The following ETFA variants were observed in gnomAD, a reference collection of about 807,000 sequenced individuals.
The protein encoded by ETFA is electron transfer flavoprotein subunit alpha, also known as electron transfer flavoprotein subunit alpha, mitochondrial.
ETFA carries 22 observed loss-of-function variants against 46.2 expected under a neutral mutation model. That is an observed-to-expected ratio of 0.48 (90% CI 0.34 to 0.68). The LOEUF is 0.68. Among genes scored for constraint, ETFA ranks in the 30% least tolerant of loss-of-function variants. ETFA has a pLI of 0.01. For missense variants in ETFA, 345 were observed against 401.1 expected (o/e 0.86, Z 1.19); for synonymous variants, 131 against 139.9 (o/e 0.94, Z 0.45).
At chr15:76,247,314 A>G (rs1228654023) in intron 9 of ETFA, among the ~76,000 whole-genome samples, 5 of 152,202 alleles carry the variant, frequency 3.3e-5, no homozygotes, top group African/African-American at 9.6e-5. Flanking sequence ...TGACAGGACC[A>G]TATCTTATGC....
At chr15:76,246,291 C>T (rs2039242421) in intron 9 of ETFA, among the ~76,000 whole-genome samples, 1 of 152,178 alleles carries the variant, frequency 6.6e-6, no homozygotes, top group African/African-American at 2.4e-5. Flanking sequence ...TCCAAAGTCA[C>T]ACAGCCAGCA....
At chr15:76,257,294 A>AT (rs2039354578) in intron 9 of ETFA, among the ~76,000 whole-genome samples, 1 of 152,160 alleles carries the variant, frequency 6.6e-6, no homozygotes, top group Non-Finnish European at 1.5e-5. Flanking sequence ...AAAGTTCACC[A>AT]TTTAGAAGGG....
intron 7 of ETFA, chr15:76,284,460 A>C (rs2039686651): frequency 4.8e-6 from 1 of 209,158 alleles, no homozygotes; most frequent in Non-Finnish European, 9.4e-6. Flanking sequence ...CTCCGTCTCT[A>C]CTAAAAATAC....
intron 9 of ETFA, among the ~76,000 whole-genome samples, chr15:76,250,832 TGCCCAGCCAGTAATGGTTACTTTTGAGG>T (rs2039291372): frequency 6.6e-6 from 1 of 152,034 alleles, no homozygotes; most frequent in Non-Finnish European, 1.5e-5. Flanking sequence ...CCACCCACCA[TGCCCAGCCAGTAATGGTTACTTTTGAGG>T]GGAGGAAAAA....
At position 76,259,049 on chromosome 15, in the gene ETFA, G is replaced by T. The variant is rs910547456; in HGVS notation, c.816+15363C>A. On this transcript the variant is annotated intron_variant, in intron 9 of 11. Coordinates refer to ENST00000557943, the MANE Select transcript of ETFA (RefSeq NM_000126.4). ...GCAAAAGCCTCTGTGTCTCATTGAG[G>T]GGACTCTCTGGCTGGTGCTCTGCCT... The T allele has an allele frequency of 1.9e-6, 3 of 1,605,032 alleles. No individual in the cohort carries two copies. The African/African-American group carries it at 4.0e-5, about 21-fold the overall frequency.
chr15:76,216,587 T>C lies in ETFA; in HGVS notation c.974A>G (p.Glu325Gly), dbSNP rs1203703753. The change falls in exon 12 of 12, where the codon GAA becomes GGA. Residue 325 changes from glutamate to glycine, a missense_variant. Coordinates refer to ENST00000557943, the MANE Select transcript of ETFA (RefSeq NM_000126.4). ...TTTTTTCTTCAATATCTCAGTCATT[T>C]CAGGAACTACCTGCAAATAAAAACA... ...IVADLFKVVPEMTEILKKK is the reference protein window; with the variant it reads ...IVADLFKVVPGMTEILKKK The C allele has an allele frequency of 6.3e-7, 1 of 1,591,122 alleles. No individual in the cohort carries two copies. Among genetic ancestry groups the C allele is most frequent in the Admixed American group, 1.7e-5 (1 of 59,990 alleles).
chr15:76,263,199 G>A (rs981883907), intron 9 of ETFA, among the ~76,000 whole-genome samples: 9 of 152,082 alleles, frequency 5.9e-5, no homozygotes, highest in East Asian at 1.9e-4. Context: ...CAGAGCTTGG[G>A]GCCTTTGCAA....
intron 8 of ETFA, among the ~76,000 whole-genome samples, chr15:76,280,813 A>G (rs2039640815): frequency 6.6e-6 from 1 of 151,782 alleles, no homozygotes; most frequent in Non-Finnish European, 1.5e-5. Context: ...TTCCTGCGTT[A>G]GACAGGCTCT....
chr15:76,239,855 T>G (rs1295524113), intron 9 of ETFA, among the ~76,000 whole-genome samples: 1 of 151,980 alleles, frequency 6.6e-6, no homozygotes, highest in Non-Finnish European at 1.5e-5. Context: ...GCTAAAAGTA[T>G]CAGTTTGTAC....
At chr15:76,303,402 C>G (rs1314061424) in intron 1 of ETFA, among the ~76,000 whole-genome samples, 1 of 151,874 alleles carries the variant, frequency 6.6e-6, no homozygotes, top group Admixed American at 6.6e-5. Context: ...GAACATAGAC[C>G]CTGGCAAAGA....
At chr15:76,246,965 T>C (rs760837430) in intron 9 of ETFA, among the ~76,000 whole-genome samples, 7 of 152,202 alleles carry the variant, frequency 4.6e-5, no homozygotes, top group Non-Finnish European at 8.8e-5. Flanking sequence ...GAGCAGTATA[T>C]AAATATCAAT....
At chr15:76,270,404 C>T (rs2141510400) in intron 9 of ETFA, among the ~76,000 whole-genome samples, 1 of 152,200 alleles carries the variant, frequency 6.6e-6, no homozygotes, top group South Asian at 2.1e-4. Flanking sequence ...TTATGGTTTT[C>T]AACATATACA....
intron 9 of ETFA, chr15:76,260,989 T>C: frequency 6.2e-7 from 1 of 1,609,480 alleles, no homozygotes. Flanking sequence ...ACACTAGTGT[T>C]GCCGCTGGAA....
At chr15:76,254,901 T>G (rs149848653) in intron 9 of ETFA, among the ~76,000 whole-genome samples, 26 of 152,300 alleles carry the variant, frequency 1.7e-4, no homozygotes, top group Non-Finnish European at 3.5e-4. Flanking sequence ...AATAAACCAA[T>G]GTTTGAAATA....
intron 10 of ETFA, among the ~76,000 whole-genome samples, chr15:76,227,530 G>GAAAAAAAAAAAAA (rs1567196426): frequency 1.1e-4 from 5 of 45,000 alleles, no homozygotes; most frequent in African/African-American, 3.1e-4. Context: ...AAAAAAAAAG[G>GAAAAAAAAAAAAA]AAAAGCTATC....
chr15:76,280,248 T>C (rs776193623), intron 8 of ETFA, among the ~76,000 whole-genome samples: 36 of 152,218 alleles, frequency 2.4e-4, no homozygotes, highest in Non-Finnish European at 4.4e-4. Flanking sequence ...TTATTAGACA[T>C]CTCAAAGGTT....
At chr15:76,243,906 G>A (rs1320007117) in intron 9 of ETFA, among the ~76,000 whole-genome samples, 1 of 151,798 alleles carries the variant, frequency 6.6e-6, no homozygotes, top group Non-Finnish European at 1.5e-5. Flanking sequence ...GTTTTTTTGA[G>A]ACAGAGTTTC....
intron 9 of ETFA, chr15:76,260,052 C>G: frequency 6.7e-7 from 1 of 1,487,516 alleles, no homozygotes; most frequent in African/African-American, 1.4e-5. Flanking sequence ...GATCAGCTTT[C>G]AGCATCTTCA....
At position 76,231,699 on chromosome 15, in the gene ETFA, A is replaced by G. The variant is rs184053874; in HGVS notation, c.817-301T>C. Reference sequence around the variant, plus strand: ...TTACATCAAGTGTCTCAATCTCACAATTACCTGTGAGGTAGCATTTTTCAT... The same window carrying G: ...TTACATCAAGTGTCTCAATCTCACAGTTACCTGTGAGGTAGCATTTTTCAT... On this transcript the variant is annotated intron_variant, in intron 9 of 11. Coordinates refer to ENST00000557943, the MANE Select transcript of ETFA (RefSeq NM_000126.4). Among the ~76,000 whole-genome samples the G allele has an allele frequency of 4.8e-3, 726 of 152,274 alleles. 4 individuals are homozygous for G. The highest frequency in any genetic ancestry group is 0.017 in the African/African-American group (708 of 41,550).
Sources: gnomAD v4.1 joint callset for allele counts (sites outside exome capture counted in the v4.1 genomes callset) on GRCh38, gnomAD v4.1.1 for gene constraint, MANE v1.5 for transcripts, NCBI Gene and HGNC (gene_info 2026-07-23, HGNC 2026-07-21) for gene names.